The following CCDC171 variants were observed in gnomAD, a reference collection of about 807,000 sequenced individuals.
The protein encoded by CCDC171 is coiled-coil domain-containing protein 171.
A neutral mutation model predicts 168.2 loss-of-function variants in CCDC171; 177 were observed. The ratio of observed to expected loss-of-function variants is 1.05; its 90% CI spans 0.93 to 1.19. The LOEUF (loss-of-function observed/expected upper bound fraction) is 1.19, where lower values mean the gene tolerates loss of function less well. Among genes scored for constraint, CCDC171 ranks in the 50% most tolerant of loss-of-function variants. The pLI is 0.00. For missense variants in CCDC171, 1,991 were observed against 1,539.0 expected (o/e 1.29, Z -4.91); for synonymous variants, 687 against 540.8 (o/e 1.27, Z -3.75).
At chr9:15,557,567 T>A (rs916010219) in intron 1 of CCDC171, among the ~76,000 whole-genome samples, 2 of 152,176 alleles carry the variant, frequency 1.3e-5, no homozygotes, top group African/African-American at 4.8e-5. Flanking sequence ...AGAATGCTTG[T>A]GATTTTTGCA....
At chr9:15,661,618 A>C (rs1347893289) in intron 8 of CCDC171, among the ~76,000 whole-genome samples, 1 of 152,252 alleles carries the variant, frequency 6.6e-6, no homozygotes, top group African/African-American at 2.4e-5. Context: ...AAAGTAGAGT[A>C]CTAAGTAGCT....
chr9:15,778,642 T>TAAAAAAA (rs2057479308), intron 19 of CCDC171, among the ~76,000 whole-genome samples: 1 of 5,774 alleles, frequency 1.7e-4, no homozygotes. Context: ...TAAGACTGTC[T>TAAAAAAA]CAAAAAAAAA....
chr9:15,776,140 GTTTTC>G (rs1420536568), intron 18 of CCDC171: 1 of 151,746 alleles, frequency 6.6e-6, no homozygotes, highest in East Asian at 1.9e-4. Flanking sequence ...TTCATCCATT[GTTTTC>G]TTTTTATTTA....
chr9:15,622,038 C>G (rs988552940), intron 6 of CCDC171, among the ~76,000 whole-genome samples: 8 of 152,116 alleles, frequency 5.3e-5, no homozygotes, highest in African/African-American at 1.9e-4. Context: ...GAACAGAAAA[C>G]CAAATACCAC....
intron 8 of CCDC171, among the ~76,000 whole-genome samples, chr9:15,660,168 T>TA (rs2048209625): frequency 6.6e-6 from 1 of 152,228 alleles, no homozygotes; most frequent in South Asian, 2.1e-4. Context: ...ATGTTCTTTT[T>TA]ACCTAAAAAT....
At chr9:15,608,989 A>ATTT (rs1564039724) in intron 6 of CCDC171, among the ~76,000 whole-genome samples, 53 of 134,232 alleles carry the variant, frequency 3.9e-4, no homozygotes, top group African/African-American at 6.0e-4. Context: ...TTTTTTTTTA[A>ATTT]AAAATATATT....
At chr9:15,922,648 AC>A (rs775541997) in intron 25 of CCDC171, among the ~76,000 whole-genome samples, 1 of 151,608 alleles carries the variant, frequency 6.6e-6, no homozygotes, top group East Asian at 1.9e-4. Context: ...GAATCTTCAT[AC>A]TGTTTTCCAT....
chr9:15,702,397 G>A (rs575311607), intron 11 of CCDC171, among the ~76,000 whole-genome samples: 1 of 151,662 alleles, frequency 6.6e-6, no homozygotes, highest in South Asian at 2.1e-4. Context: ...AAAATCCTAG[G>A]GCCCTTAAGA....
chr9:15,623,439 A>G lies in CCDC171; in HGVS notation c.822+26A>G, dbSNP rs757840403. 6 of 1,524,482 alleles carry G rather than the reference A, an allele frequency of 3.9e-6. No homozygotes were observed. The South Asian group carries it at 5.8e-5, about 15-fold the overall frequency. 94.4% of individuals were successfully genotyped at this position (1,524,482 alleles called of 1,614,324 possible). ...GTACATTTTCTCATTCCTTTATAATATATATGCGTACAAACTTTCACATAT... is the reference window on the plus strand; with the variant it reads ...GTACATTTTCTCATTCCTTTATAATGTATATGCGTACAAACTTTCACATAT... On this transcript the variant is annotated intron_variant, in intron 7 of 25. Transcript: ENST00000380701.
At chr9:15,654,420 G>A (rs1341663451) in intron 7 of CCDC171, among the ~76,000 whole-genome samples, 1 of 152,190 alleles carries the variant, frequency 6.6e-6, no homozygotes, top group African/African-American at 2.4e-5. Context: ...CTCTAGAGAA[G>A]AAGGGATGTT....
chr9:15,758,829 C>G (rs1051990167), intron 18 of CCDC171, among the ~76,000 whole-genome samples: 5 of 152,166 alleles, frequency 3.3e-5, no homozygotes, highest in African/African-American at 2.4e-5. Flanking sequence ...CTCATTTTCT[C>G]TCTTGCCACT....
At chr9:16,094,423 G>C in the CCDC171 span, among the ~76,000 whole-genome samples, 2 of 152,158 alleles carry the variant, frequency 1.3e-5, no homozygotes, top group Admixed American at 6.5e-5. Context: ...AAGGAGAGGG[G>C]AAAAGGGTTT....
At chr9:15,643,578 TATC>T (rs1416361084) in intron 7 of CCDC171, among the ~76,000 whole-genome samples, 1 of 152,204 alleles carries the variant, frequency 6.6e-6, no homozygotes, top group Non-Finnish European at 1.5e-5. Flanking sequence ...ATACTTCACA[TATC>T]ATAAAACTCA....
At chr9:15,559,846 G>A (rs890847015) in intron 1 of CCDC171, among the ~76,000 whole-genome samples, 6 of 152,016 alleles carry the variant, frequency 3.9e-5, no homozygotes, top group Non-Finnish European at 7.4e-5. Flanking sequence ...TTACAATTTG[G>A]CATGTTTTTG....
chr9:15,778,191 G>A (rs2057440531), intron 19 of CCDC171, among the ~76,000 whole-genome samples: 1 of 151,554 alleles, frequency 6.6e-6, no homozygotes, highest in African/African-American at 2.4e-5. Flanking sequence ...CAGCTACTCG[G>A]GAGGCTGAGG....
chr9:15,569,942 C>T (rs1420841241), intron 2 of CCDC171, among the ~76,000 whole-genome samples: 1 of 149,752 alleles, frequency 6.7e-6, no homozygotes, highest in African/African-American at 2.4e-5. Flanking sequence ...TTTTCGTTTT[C>T]TTAGTTTGTG....
chr9:16,008,428 A>G (rs574137679), intron 3 of CCDC171, among the ~76,000 whole-genome samples: 71 of 152,192 alleles, frequency 4.7e-4, no homozygotes, highest in African/African-American at 1.4e-3. Flanking sequence ...TCGTGACTAT[A>G]GAGGTTATCC....
chr9:15,827,425 C>T (rs1440906372), intron 21 of CCDC171, among the ~76,000 whole-genome samples: 1 of 152,180 alleles, frequency 6.6e-6, no homozygotes, highest in Non-Finnish European at 1.5e-5. Context: ...TTTCTGTACA[C>T]ATCTCCTACA....
At chr9:15,751,371 G>T (rs1317024742) in intron 18 of CCDC171, among the ~76,000 whole-genome samples, 1 of 152,116 alleles carries the variant, frequency 6.6e-6, no homozygotes, top group Non-Finnish European at 1.5e-5. Flanking sequence ...TATAGATTCA[G>T]TGCTATCCTC....
Sources: allele counts gnomAD v4.1 joint callset (sites outside exome capture counted in the v4.1 genomes callset), GRCh38; gene constraint gnomAD v4.1.1; transcripts MANE v1.5; gene names NCBI Gene and HGNC (gene_info 2026-07-23, HGNC 2026-07-21).